The following WNK4 variants were observed in gnomAD, a reference collection of about 807,000 sequenced individuals.
WNK4 encodes serine/threonine-protein kinase WNK4.
Under a neutral mutation model 116.2 loss-of-function variants are expected in WNK4, and 94 were observed. The observed-to-expected ratio is 0.81, with a 90% CI of 0.68 to 0.96. WNK4 has a LOEUF of 0.96. Among genes scored for constraint, WNK4 ranks in the 40% least tolerant of loss-of-function variants. WNK4 has a pLI of 0.00. For missense variants in WNK4, 1,542 were observed against 1,650.6 expected (o/e 0.93, Z 1.14); for synonymous variants, 655 against 672.7 (o/e 0.97, Z 0.41).
At chr17:42,781,770 G>C (rs983552160) in intron 1 of WNK4, among the ~76,000 whole-genome samples, 2 of 152,156 alleles carry the variant, frequency 1.3e-5, no homozygotes, top group Non-Finnish European at 2.9e-5. Context: ...GAAGCCAGGA[G>C]CTGGGCAAGG....
At position 42,796,921 on chromosome 17, in the gene WNK4, T is replaced by G; in HGVS notation, c.*233T>G. On this transcript the variant is annotated 3_prime_UTR_variant, in exon 19 of 19. Coordinates refer to ENST00000246914, the MANE Select transcript of WNK4 (RefSeq NM_032387.5). ...TTCTGCTGCCTACCATCTTCATCTC[T>G]AGCACCTCCCCTGCCAAGAGTCAAC... 1.6e-5 allele frequency: 12 copies of G among 766,646 alleles called. No homozygotes were observed. Among genetic ancestry groups the G allele is most frequent in the Middle Eastern group, 3.9e-4 (1 of 2,578 alleles). 47.5% of individuals were successfully genotyped at this position (766,646 alleles called of 1,614,324 possible).
Position 42,794,970 on chromosome 17 carries a change from TCTC to T in WNK4, c.2553_2555del (p.Ser852del), listed in dbSNP as rs775326826. On this transcript the variant is annotated inframe_deletion, in exon 14 of 19. Transcript: ENST00000246914. ...CCATTCTCCCCCATTTCTTCCCAGG[TCTC>T]CTCAAATCCCTCTCCACACCCCACC... The T allele has an allele frequency of 2.7e-6, 4 of 1,471,104 alleles. No individual in the cohort carries two copies. The East Asian group carries it at 1.3e-4, about 48-fold the overall frequency. The allele number at this position is 1,471,104 out of a possible 1,614,324, so 91.1% of individuals were successfully genotyped here.
Position 42,796,823 on chromosome 17 carries a change from G to T in WNK4, c.*135G>T, listed in dbSNP as rs556343431. The T allele has an allele frequency of 7.0e-6, 11 of 1,576,034 alleles. No individual in the cohort carries two copies. Among genetic ancestry groups the T allele is most frequent in the Non-Finnish European group, 9.6e-6 (11 of 1,149,098 alleles). ...CACTGAAGGGGTAGAAGGCCAGGGGGGCATGGAGAGTGCAGCTCCATTATA... is the reference window on the plus strand; with the variant it reads ...CACTGAAGGGGTAGAAGGCCAGGGGTGCATGGAGAGTGCAGCTCCATTATA... On this transcript the variant is annotated 3_prime_UTR_variant, in exon 19 of 19. Coordinates refer to ENST00000246914, the MANE Select transcript of WNK4 (RefSeq NM_032387.5).
chr17:42,785,424 C>A lies in WNK4; in HGVS notation c.1418C>A (p.Ala473Asp). ...RRGGRPRDNQ[A>D]IEFLFQLGRD... ...GGGGGGCGCCCACGGGACAACCAGG[C>A]CATCGAGTTCCTGTTCCAGCTGGGC... Residue 473 changes from alanine to aspartate, a missense_variant, in exon 6 of 19, where the codon GCC (alanine) becomes GAC (aspartate). Coordinates refer to ENST00000246914, the MANE Select transcript of WNK4 (RefSeq NM_032387.5). 1 of 1,562,538 alleles carries A rather than the reference C, an allele frequency of 6.4e-7. No individual in the cohort carries two copies. Among genetic ancestry groups the A allele is most frequent in the Non-Finnish European group, 8.7e-7 (1 of 1,153,046 alleles).
At chr17:42,783,245 G>A (rs1453680877) in intron 2 of WNK4, among the ~76,000 whole-genome samples, 2 of 151,952 alleles carry the variant, frequency 1.3e-5, no homozygotes, top group African/African-American at 4.8e-5. Context: ...ATGCCATCTC[G>A]CTGATCTGGA....
rs2054506986 is a variant in WNK4, at chr17:42,783,517, T to TC, written c.792-419dup. The TC allele has an allele frequency of 1.7e-5, 5 of 302,928 alleles. 1 individual carries two copies. In the South Asian group the frequency reaches 1.7e-4, roughly 10 times the overall value. The allele number at this position is 302,928 out of a possible 1,614,324, so 18.8% of individuals were successfully genotyped here. On this transcript the variant is annotated intron_variant, in intron 2 of 18. Coordinates refer to ENST00000246914, the MANE Select transcript of WNK4 (RefSeq NM_032387.5). ...TGGCACCTCCTCCCACCCTGCCTTG[T>TC]CACTGGCTTTTTCTGTGCCTTTGAG... is the stretch of plus-strand genomic sequence containing the variant.
Position 42,795,370 on chromosome 17 carries a change from G to A in WNK4, c.2949G>A (p.Glu983=), listed in dbSNP as rs1220349738. The A allele has an allele frequency of 6.2e-7, 1 of 1,614,090 alleles. No homozygotes were observed. The highest frequency in any genetic ancestry group is 8.5e-7 in the Non-Finnish European group (1 of 1,180,032). The change falls in exon 14 of 19, where the codon GAG becomes GAA. Residue 983 remains glutamate (E), a synonymous_variant. Coordinates refer to ENST00000246914, the MANE Select transcript of WNK4 (RefSeq NM_032387.5). ...AAAGCCCTTCACCCCACACAGCTGA[G>A]GTGGAGAGTGAGGTGAGTAGAAAAC... The part of the protein sequence containing the change: ...GQESPSPHTA[E]VESEASPPPA...
At position 42,787,658 on chromosome 17, in the gene WNK4, G is replaced by T; in HGVS notation, c.1741+116G>T. On this transcript the variant is annotated intron_variant, in intron 7 of 18. Transcript: ENST00000246914. Reference sequence around the variant, plus strand: ...CCTGCCTTCCACCTCTAGCCATGAAGCTCCCTCCAGGAAGGAACTCTCCCA... The same window carrying T: ...CCTGCCTTCCACCTCTAGCCATGAATCTCCCTCCAGGAAGGAACTCTCCCA... The T allele has an allele frequency of 6.9e-6, 11 of 1,593,562 alleles. No homozygotes were observed. The South Asian group carries it at 1.2e-4, about 18-fold the overall frequency.
intron 11 of WNK4, 132 bp from the exon 12 acceptor site, chr17:42,793,460 T>C: frequency 4.0e-6 from 5 of 1,238,026 alleles, no homozygotes; most frequent in Non-Finnish European, 5.7e-6. Context: ...TCCGCCCGCC[T>C]CGGCCTCCCA....
chr17:42,780,892 T>G lies in WNK4; in HGVS notation c.194T>G (p.Val65Gly). 1 of 1,606,470 alleles carries G rather than the reference T, an allele frequency of 6.2e-7. No individual in the cohort carries two copies. Among genetic ancestry groups the G allele is most frequent in the Non-Finnish European group, 8.5e-7 (1 of 1,179,578 alleles). Residue 65 changes from valine (V) to glycine (G), a missense_variant, in exon 1 of 19, where the codon GTC becomes GGC. Val to Gly is a moderately radical substitution (Grantham distance 109, BLOSUM62 -3). Around this residue, in one of 7 missense-constraint regions of WNK4, gnomAD observed 243 missense variants for 217.8 expected, o/e 1.12. Coordinates refer to ENST00000246914, the MANE Select transcript of WNK4 (RefSeq NM_032387.5). Reference sequence around the variant, plus strand: ...TCTCGTCTCAGCCGCCGTAGCTCAGTCGACTTGGGGCTGCTGAGCTCTTGG... The same window carrying G: ...TCTCGTCTCAGCCGCCGTAGCTCAGGCGACTTGGGGCTGCTGAGCTCTTGG... ...RSSRLSRRSS[V>G]DLGLLSSWSL...
intron 6 of WNK4, among the ~76,000 whole-genome samples, chr17:42,786,921 C>G (rs955877909): frequency 9.2e-5 from 14 of 152,160 alleles, no homozygotes; most frequent in South Asian, 2.1e-4. Context: ...TTGAGAAGAA[C>G]CCCTGGCTTC....
At chr17:42,792,075 A>T (rs148363564) in intron 11 of WNK4, among the ~76,000 whole-genome samples, 10 of 152,274 alleles carry the variant, frequency 6.6e-5, no homozygotes, top group Admixed American at 5.2e-4. Context: ...GGTCGCTTTC[A>T]TGTAATACCT....
At position 42,781,261 on chromosome 17, in the gene WNK4, T is replaced by TATCAAGACGGCTCCTTCAAGACG; in HGVS notation, c.563_564insATCAAGACGGCTCCTTCAAGACG (p.Tyr189SerfsTer12). On this transcript the variant is annotated frameshift_variant, in exon 1 of 19. Transcript: ENST00000246914. LOFTEE classifies it high-confidence loss of function. ...ATTGGACGTGGCTCCTTCAAGACGGTGTATCGAGGGCTAGACACCGACACC... is the reference window on the plus strand; with the variant it reads ...ATTGGACGTGGCTCCTTCAAGACGGTATCAAGACGGCTCCTTCAAGACGGTATCGAGGGCTAGACACCGACACC... The TATCAAGACGGCTCCTTCAAGACG allele has an allele frequency of 2.5e-6, 4 of 1,613,820 alleles. No homozygotes were observed. The highest frequency in any genetic ancestry group is 3.4e-6 in the Non-Finnish European group (4 of 1,179,952).
rs778741303 is a variant in WNK4 at position 42,780,684 on chromosome 17, G to T, written c.-15G>T. On this transcript the variant is annotated 5_prime_UTR_variant, in exon 1 of 19. Transcript: ENST00000246914. ...GCCGTCTGATTTTCTACCCTTCGGC[G>T]CCCTGCTCTTCCTCATGTTGGCATC... The T allele has an allele frequency of 3.1e-6, 5 of 1,605,284 alleles. No homozygotes were observed.
Position 42,784,716 on chromosome 17 carries a change from G to T in WNK4, c.1170+137G>T. 4 of 1,102,316 alleles carry T rather than the reference G, an allele frequency of 3.6e-6. No homozygotes were observed. Among genetic ancestry groups the T allele is most frequent in the Non-Finnish European group, 4.0e-6 (3 of 750,814 alleles). 68.3% of individuals were successfully genotyped at this position (1,102,316 alleles called of 1,614,324 possible). On this transcript the variant is annotated intron_variant, in intron 4 of 18. Coordinates refer to ENST00000246914, the MANE Select transcript of WNK4 (RefSeq NM_032387.5). This position sits in a 1 kb window ranked among gnomAD's most constrained non-coding sequence, Gnocchi z 4.4. Reference sequence around the variant, plus strand: ...AGAGTCGCCTTGGTGAACACAGAAGGATATTGAGTGCACACGCGCCCCCAC... The same window carrying T: ...AGAGTCGCCTTGGTGAACACAGAAGTATATTGAGTGCACACGCGCCCCCAC...
At position 42,788,136 on chromosome 17, in the gene WNK4, G is replaced by A; in HGVS notation, c.1870G>A (p.Ala624Thr). The stretch of plus-strand genomic sequence containing the variant: ...AACCCTTATCCTGTTTCAGGCTTTT[G>A]CCCTATCCATTCCACGTTCTGGCCC... The part of the protein sequence containing the change: ...ESHLCLPSAF[A>T]LSIPRSGPGS... Residue 624 changes from alanine to threonine, a missense_variant, in exon 9 of 19, where the codon GCC (alanine) becomes ACC (threonine). Around this residue, in one of 7 missense-constraint regions of WNK4, gnomAD observed 808 missense variants for 873.6 expected, o/e 0.92. Coordinates refer to ENST00000246914, the MANE Select transcript of WNK4 (RefSeq NM_032387.5). 3 of 1,614,124 alleles carry A rather than the reference G, an allele frequency of 1.9e-6. No individual in the cohort carries two copies. The highest frequency in any genetic ancestry group is 2.5e-6 in the Non-Finnish European group (3 of 1,180,042).
rs539146322 is a variant in WNK4 at position 42,796,910 on chromosome 17, A to G, written c.*222A>G. 2.1e-5 allele frequency: 18 copies of G among 841,192 alleles called. No individual in the cohort carries two copies. In the South Asian group the frequency reaches 2.7e-4, roughly 12 times the overall value. The allele number at this position is 841,192 out of a possible 1,614,324, so 52.1% of individuals were successfully genotyped here. A position where few individuals can be genotyped will look rare whatever the true frequency, so the allele number is the denominator to read the frequency against. On this transcript the variant is annotated 3_prime_UTR_variant, in exon 19 of 19. Transcript: ENST00000246914. Reference sequence around the variant, plus strand: ...GGAGGTGTTAGTTCTGCTGCCTACCATCTTCATCTCTAGCACCTCCCCTGC... The same window carrying G: ...GGAGGTGTTAGTTCTGCTGCCTACCGTCTTCATCTCTAGCACCTCCCCTGC...
chr17:42,796,110 C>A lies in WNK4; in HGVS notation c.3432-13C>A. The A allele has an allele frequency of 6.2e-7, 1 of 1,614,070 alleles. No homozygotes were observed. The highest frequency in any genetic ancestry group is 8.5e-7 in the Non-Finnish European group (1 of 1,180,014). ...GTGTGGCTAGCCCTTTCATGCCCTC[C>A]GTGCATCCTCAGGCACTTGTCAGAG... On this transcript the variant is annotated splice_polypyrimidine_tract_variant and intron_variant, in intron 16 of 18. Transcript: ENST00000246914.
Position 42,788,402 on chromosome 17 carries a change from A to G in WNK4, c.2035A>G (p.Thr679Ala). 1 of 1,612,492 alleles carries G rather than the reference A, an allele frequency of 6.2e-7. No individual in the cohort carries two copies. The highest frequency in any genetic ancestry group is 8.5e-7 in the Non-Finnish European group (1 of 1,179,856). The change falls in exon 10 of 19, where the codon ACT becomes GCT. Residue 679 changes from threonine (T) to alanine (A), a missense_variant. Coordinates refer to ENST00000246914, the MANE Select transcript of WNK4 (RefSeq NM_032387.5). ...RRRPRSRLRV[T>A]SVSDQNDRVV... ...CAGACCCCGATCCCGGCTGCGGGTCACTAGTGTAAGGATGGAGTACAGGAG... is the reference window on the plus strand; with the variant it reads ...CAGACCCCGATCCCGGCTGCGGGTCGCTAGTGTAAGGATGGAGTACAGGAG...
Sources: gnomAD v4.1 joint callset for allele counts (sites outside exome capture counted in the v4.1 genomes callset) on GRCh38, gnomAD v4.1.1 for gene constraint, gnomAD v4.1.1 regional missense constraint, Gnocchi (gnomAD v3.1) non-coding constraint, MANE v1.5 for transcripts, NCBI Gene and HGNC (gene_info 2026-07-23, HGNC 2026-07-21) for gene names.